TSPAN9: variants seen among roughly 807,000 people sequenced by gnomAD.
TSPAN9 encodes the protein tetraspanin 9, also known as tetraspanin-9.
TSPAN9 carries 16 observed loss-of-function variants against 31.0 expected under a neutral mutation model. The ratio of observed to expected loss-of-function variants is 0.52; its 90% CI spans 0.35 to 0.78. TSPAN9 has a LOEUF of 0.78. TSPAN9 is among the 30% of genes least tolerant of loss of function. TSPAN9 has a pLI of 0.01. For synonymous variants in TSPAN9, 145 were observed against 121.6 expected (o/e 1.19, Z -1.27); for missense variants, 272 against 312.5 (o/e 0.87, Z 0.98).
Position 3,109,268 on chromosome 12 carries a change from C to CTGTGTGTGTGTGTGTGTGTGTG in TSPAN9, c.-18+25560_-18+25581dup, listed in dbSNP as rs1226380985. Among the ~76,000 whole-genome samples the CTGTGTGTGTGTGTGTGTGTGTG allele has an allele frequency of 2.7e-3, 324 of 119,232 alleles. 2 individuals carry two copies. Among genetic ancestry groups the CTGTGTGTGTGTGTGTGTGTGTG allele is most frequent in the African/African-American group, 0.011 (299 of 26,706 alleles). The allele number at this position is 119,232 out of a possible 152,430, so 78.2% of individuals were successfully genotyped here. On this transcript the variant is annotated intron_variant, in intron 2 of 8. Transcript: ENST00000011898. The stretch of plus-strand genomic sequence containing the variant: ...AGGATTCTTTACTGTTTCATATAGT[C>CTGTGTGTGTGTGTGTGTGTGTG]TGTGTGTGTGTGTGTGTGTGTGTGT...
At chr12:3,277,054 C>T (rs1452153056) in intron 3 of TSPAN9, among the ~76,000 whole-genome samples, 1 of 152,142 alleles carries the variant, frequency 6.6e-6, no homozygotes, top group Admixed American at 6.5e-5. Context: ...AGAACAGCTG[C>T]CCGGGAAGTG....
Position 3,081,844 on chromosome 12 carries a change from G to GTGTGTGTATATATATATATA in TSPAN9, c.-84-1808_-84-1807insGTGTGTATATATATATATAT, listed in dbSNP as rs57812985. Among the ~76,000 whole-genome samples the GTGTGTGTATATATATATATA allele has an allele frequency of 2.4e-3, 282 of 116,756 alleles. 10 individuals are homozygous for GTGTGTGTATATATATATATA. Among genetic ancestry groups the GTGTGTGTATATATATATATA allele is most frequent in the South Asian group, 2.4e-3 (8 of 3,386 alleles). The allele number at this position is 116,756 out of a possible 152,430, so 76.6% of individuals were successfully genotyped here. A position where few individuals can be genotyped will look rare whatever the true frequency, so the allele number is the denominator to read the frequency against. ...TGTGTGTGTGTGTGTGTCTGTGTGTGTATATATATGCCAGGTGTGGTGGTA... is the reference window on the plus strand; with the variant it reads ...TGTGTGTGTGTGTGTGTCTGTGTGTGTGTGTGTATATATATATATATATATATATGCCAGGTGTGGTGGTA... On this transcript the variant is annotated intron_variant, in intron 1 of 8. Transcript: ENST00000011898.
At chr12:3,155,075 T>C (rs2098341553) in intron 2 of TSPAN9, among the ~76,000 whole-genome samples, 1 of 152,030 alleles carries the variant, frequency 6.6e-6, no homozygotes, top group African/African-American at 2.4e-5. Flanking sequence ...TTGGGTAAAA[T>C]CTCCTAATTT....
Position 3,280,410 on chromosome 12 carries a change from A to AG in TSPAN9, c.361dup (p.Glu121GlyfsTer24). 6.2e-7 allele frequency: 1 copy of AG among 1,613,404 alleles called. No homozygotes were observed. Among genetic ancestry groups the AG allele is most frequent in the Non-Finnish European group, 8.5e-7 (1 of 1,180,000 alleles). ...AACGAGAACGCCAAGAAGGACCTGA[A>AG]GGAAGGCCTGCTGCTGTACCACACC... On this transcript the variant is annotated frameshift_variant, in exon 6 of 9. Coordinates refer to ENST00000011898, the MANE Select transcript of TSPAN9 (RefSeq NM_006675.5). LOFTEE classifies it high-confidence loss of function. This position sits in a 1 kb window ranked among gnomAD's most constrained non-coding sequence, Gnocchi z 4.5.
At chr12:3,176,668 G>C (rs2098355825) in intron 2 of TSPAN9, among the ~76,000 whole-genome samples, 2 of 152,358 alleles carry the variant, frequency 1.3e-5, no homozygotes, top group Non-Finnish European at 2.9e-5. Flanking sequence ...TGGTGGCTCA[G>C]ACTCTATTCT....
At chr12:3,242,760 G>T (rs917904816) in intron 3 of TSPAN9, among the ~76,000 whole-genome samples, 3 of 152,224 alleles carry the variant, frequency 2.0e-5, no homozygotes, top group African/African-American at 7.2e-5. Context: ...AGCCTTGGAC[G>T]CATTGCCCCC....
At chr12:3,268,446 G>A (rs373240306) in intron 3 of TSPAN9, among the ~76,000 whole-genome samples, 88 of 124,228 alleles carry the variant, frequency 7.1e-4, no homozygotes, top group East Asian at 2.2e-3. Flanking sequence ...CCCTCCGTGC[G>A]TTCCTGCAGC....
intron 3 of TSPAN9, among the ~76,000 whole-genome samples, chr12:3,220,546 T>G (rs2098383890): frequency 6.6e-6 from 1 of 152,196 alleles, no homozygotes; most frequent in African/African-American, 2.4e-5. Flanking sequence ...GCTTCGTCGA[T>G]TCTGCTGCAC....
chr12:3,223,988 G>A (rs1236615677), intron 3 of TSPAN9, among the ~76,000 whole-genome samples: 1 of 152,088 alleles, frequency 6.6e-6, no homozygotes, highest in East Asian at 1.9e-4. Context: ...CCCCAGCAGG[G>A]TCTCCTGTGC....
intron 2 of TSPAN9, among the ~76,000 whole-genome samples, chr12:3,120,716 T>C (rs1332627590): frequency 6.6e-6 from 1 of 152,256 alleles, no homozygotes; most frequent in Non-Finnish European, 1.5e-5. Context: ...AACTGGACTG[T>C]GGGGCTGGGA....
intron 2 of TSPAN9, chr12:3,173,183 T>A (rs1591659532): frequency 6.6e-6 from 1 of 152,508 alleles, no homozygotes; most frequent in Non-Finnish European, 1.5e-5. Flanking sequence ...TGTGCCCGGG[T>A]GGATGAGTTC....
chr12:3,225,677 G>A (rs2098386838), intron 3 of TSPAN9, among the ~76,000 whole-genome samples: 1 of 152,130 alleles, frequency 6.6e-6, no homozygotes, highest in South Asian at 2.1e-4. Context: ...ACGGCCCCCC[G>A]CCCTCCACAA....
At chr12:3,183,311 T>C (rs1330880770) in intron 2 of TSPAN9, among the ~76,000 whole-genome samples, 1 of 151,974 alleles carries the variant, frequency 6.6e-6, no homozygotes, top group Non-Finnish European at 1.5e-5. Flanking sequence ...CCTCTCAAAG[T>C]GGGGAGGGGA....
At chr12:3,171,942 A>G (rs2098352081) in intron 2 of TSPAN9, 1 of 152,098 alleles carries the variant, frequency 6.6e-6, no homozygotes, top group South Asian at 2.1e-4. Context: ...TTAAATTTCC[A>G]TGGAGGGTCG....
chr12:3,186,527 G>T (rs1221535654), intron 2 of TSPAN9, among the ~76,000 whole-genome samples: 3 of 140,590 alleles, frequency 2.1e-5, no homozygotes, highest in Non-Finnish European at 1.5e-5. Context: ...GGAGTGGAGT[G>T]AGTGGGCCAG....
At chr12:3,156,636 C>T (rs898822033) in intron 2 of TSPAN9, among the ~76,000 whole-genome samples, 5 of 151,740 alleles carry the variant, frequency 3.3e-5, no homozygotes, top group Admixed American at 1.3e-4. Flanking sequence ...GCCTCCCGAG[C>T]GGCTGGGATT....
chr12:3,091,705 G>T (rs1463055596), intron 2 of TSPAN9, among the ~76,000 whole-genome samples: 2 of 152,132 alleles, frequency 1.3e-5, no homozygotes, highest in Admixed American at 6.5e-5. Flanking sequence ...AAATCCCCTT[G>T]GTGTTTTATT....
At chr12:3,083,960 G>A (rs529125873) in intron 2 of TSPAN9, 1 of 152,348 alleles carries the variant, frequency 6.6e-6, no homozygotes, top group South Asian at 2.1e-4. Flanking sequence ...ATTGGTGGCT[G>A]ATGGTACTCT....
At chr12:3,256,249 C>T (rs535859339) in intron 3 of TSPAN9, among the ~76,000 whole-genome samples, 15 of 152,324 alleles carry the variant, frequency 9.8e-5, no homozygotes, top group South Asian at 6.2e-4. Flanking sequence ...AAACCACGTC[C>T]GATAGCAGTC....
Sources: gnomAD v4.1 joint callset for allele counts (sites outside exome capture counted in the v4.1 genomes callset) on GRCh38, gnomAD v4.1.1 for gene constraint, Gnocchi (gnomAD v3.1) non-coding constraint, MANE v1.5 for transcripts, NCBI Gene and HGNC (gene_info 2026-07-23, HGNC 2026-07-21) for gene names.